TBX4: variants seen among roughly 807,000 people sequenced by gnomAD.
TBX4 encodes the protein T-box transcription factor TBX4.
TBX4 carries 13 observed loss-of-function variants against 54.6 expected under a neutral mutation model. The observed-to-expected ratio is 0.24, with a 90% CI of 0.15 to 0.38. The LOEUF (loss-of-function observed/expected upper bound fraction) is 0.38. Ranked by LOEUF, TBX4 falls within the 10% of genes least tolerant of loss-of-function variation. The pLI, the probability that TBX4 is intolerant of heterozygous loss-of-function variation, is 1.00. For missense variants in TBX4, 631 were observed against 728.5 expected (o/e 0.87, Z 1.54); for synonymous variants, 314 against 306.7 (o/e 1.02, Z -0.25).
At chr17:61,470,488 C>T (rs898920888) in intron 5 of TBX4, among the ~76,000 whole-genome samples, 14 of 152,320 alleles carry the variant, frequency 9.2e-5, no homozygotes, top group African/African-American at 3.4e-4. Flanking sequence ...TGGCCAGAAC[C>T]TCCTAAAAGG....
In TBX4 at chr17:61,460,908, G is replaced by T. The variant is rs777589144; in HGVS notation, c.281+3277G>T. ...ATTTGCGTTTGAAAAATGAACTACC[G>T]ATGAGAACTCCTGTTGAACCTGTAT... On this transcript the variant is annotated intron_variant, in intron 3 of 8. Transcript: ENST00000644296. This position sits in a 1 kb window ranked among gnomAD's most constrained non-coding sequence, Gnocchi z 4.4. Among the ~76,000 whole-genome samples, 2 of 152,168 alleles carry T rather than the reference G, an allele frequency of 1.3e-5. No homozygotes were observed. Among genetic ancestry groups the T allele is most frequent in the Non-Finnish European group, 2.9e-5 (2 of 68,030 alleles).
In TBX4 at chr17:61,483,622, G is replaced by A; in HGVS notation, c.*106G>A. Reference sequence around the variant, plus strand: ...CACAGGAAGGTATTCCAGTGTGTGTGTGTGTGTGTGTGTGTGTGTGTGTGT... The same window carrying A: ...CACAGGAAGGTATTCCAGTGTGTGTATGTGTGTGTGTGTGTGTGTGTGTGT... On this transcript the variant is annotated 3_prime_UTR_variant, in exon 9 of 9. Transcript: ENST00000644296. The surrounding 1 kb of genome is among the most constrained non-coding windows in gnomAD (Gnocchi z 6.6). The A allele has an allele frequency of 2.0e-6, 2 of 986,376 alleles. No homozygotes were observed. Among genetic ancestry groups the A allele is most frequent in the African/African-American group, 1.6e-5 (1 of 61,308 alleles). The allele number at this position is 986,376 out of a possible 1,614,324, so 61.1% of individuals were successfully genotyped here.
At chr17:61,455,296 C>T (rs2060438968) in intron 1 of TBX4, among the ~76,000 whole-genome samples, 1 of 152,152 alleles carries the variant, frequency 6.6e-6, no homozygotes, top group Admixed American at 6.5e-5. Context: ...CCGGGAGGGC[C>T]CGGGGAGAGC....
chr17:61,477,149 G>A (rs985866565), intron 5 of TBX4, among the ~76,000 whole-genome samples: 7 of 152,360 alleles, frequency 4.6e-5, no homozygotes, highest in African/African-American at 1.4e-4. Context: ...AAGGGGACCC[G>A]AGGGCCCGCC....
intron 8 of TBX4, among the ~76,000 whole-genome samples, chr17:61,482,576 C>T (rs1470645658): frequency 6.6e-6 from 1 of 152,238 alleles, no homozygotes; most frequent in Non-Finnish European, 1.5e-5. Context: ...GAGAATGCCA[C>T]TGCACATCAG....
Position 61,460,622 on chromosome 17 carries a change from T to TGAGG in TBX4, c.281+2993_281+2994insGGGA, listed in dbSNP as rs1414059911. Reference sequence around the variant, plus strand: ...GTCTCTGTGTCCAGAGGGTTCGTGCTGATAGCCGCAGACAGCAGATCCCTC... The same window carrying TGAGG: ...GTCTCTGTGTCCAGAGGGTTCGTGCTGAGGGATAGCCGCAGACAGCAGATCCCTC... On this transcript the variant is annotated intron_variant, in intron 3 of 8. Coordinates refer to ENST00000644296, the MANE Select transcript of TBX4 (RefSeq NM_001321120.2). This position sits in a 1 kb window ranked among gnomAD's most constrained non-coding sequence, Gnocchi z 4.4. Among the ~76,000 whole-genome samples the TGAGG allele has an allele frequency of 2.4e-4, 36 of 152,296 alleles. No homozygotes were observed.
chr17:61,479,996 G>A lies in TBX4; in HGVS notation c.791+27G>A. The A allele has an allele frequency of 1.2e-6, 2 of 1,613,696 alleles. No individual in the cohort carries two copies. The highest frequency in any genetic ancestry group is 1.7e-6 in the Non-Finnish European group (2 of 1,179,686). ...TGGGGCTGCGTAGCCTGGGGGTGGGGCGGGCAGATGGGATTCAGGCACGTG... is the reference window on the plus strand; with the variant it reads ...TGGGGCTGCGTAGCCTGGGGGTGGGACGGGCAGATGGGATTCAGGCACGTG... On this transcript the variant is annotated intron_variant, in intron 7 of 8. Transcript: ENST00000644296. This position sits in a 1 kb window ranked among gnomAD's most constrained non-coding sequence, Gnocchi z 6.1.
rs544199368 is a variant in TBX4 at position 61,476,573 on chromosome 17, C to T, written c.550-2054C>T. ...CTCGCCACAGGAGCATCCCCAGCGT[C>T]CTGGAAAGGGACAGACATCGAGGCC... is the stretch of plus-strand genomic sequence containing the variant. On this transcript the variant is annotated intron_variant, in intron 5 of 8. Transcript: ENST00000644296. This position sits in a 1 kb window ranked among gnomAD's most constrained non-coding sequence, Gnocchi z 6.5. Among the ~76,000 whole-genome samples, 102 of 152,344 alleles carry T rather than the reference C, an allele frequency of 6.7e-4. No homozygotes were observed. The highest frequency in any genetic ancestry group is 2.3e-3 in the Admixed American group (35 of 15,310).
chr17:61,468,598 T>A (rs1186317011), intron 5 of TBX4, among the ~76,000 whole-genome samples: 2 of 152,208 alleles, frequency 1.3e-5, no homozygotes, highest in African/African-American at 2.4e-5. Flanking sequence ...TTCTGATTGA[T>A]GGGTATGTAA....
chr17:61,483,517 C>T lies in TBX4; in HGVS notation c.*1C>T. The T allele has an allele frequency of 1.9e-6, 3 of 1,614,134 alleles. No homozygotes were observed. Among genetic ancestry groups the T allele is most frequent in the Non-Finnish European group, 1.7e-6 (2 of 1,180,032 alleles). On this transcript the variant is annotated 3_prime_UTR_variant, in exon 9 of 9. Transcript: ENST00000644296. This position sits in a 1 kb window ranked among gnomAD's most constrained non-coding sequence, Gnocchi z 6.6. The stretch of plus-strand genomic sequence containing the variant: ...TGTGGAGAACTGGACTGACGGATGA[C>T]TCTCACGTCTCCTCCATAGCCCCGG...
chr17:61,478,729 G>C lies in TBX4; in HGVS notation c.652G>C (p.Val218Leu), dbSNP rs201328365. 2.8e-5 allele frequency: 46 copies of C among 1,614,162 alleles called. No individual in the cohort carries two copies. The Admixed American group carries it at 6.8e-4, about 24-fold the overall frequency. ...GSKNTAFCTHVFPETSFISVT... is the reference protein window; with the variant it reads ...GSKNTAFCTHLFPETSFISVT... ...CAAAAACACTGCTTTCTGCACCCAC[G>C]TGTTCCCAGAGACCTCCTTCATCTC... is the stretch of plus-strand genomic sequence containing the variant. The change falls in exon 6 of 9, where the codon GTG (valine) becomes CTG (leucine). Residue 218 changes from valine to leucine, a missense_variant. Around this residue, in one of 3 missense-constraint regions of TBX4, gnomAD observed 154 missense variants for 238.6 expected, o/e 0.65. Coordinates refer to ENST00000644296, the MANE Select transcript of TBX4 (RefSeq NM_001321120.2). The surrounding 1 kb of genome is among the most constrained non-coding windows in gnomAD (Gnocchi z 7.4).
chr17:61,467,503 T>C lies in TBX4; in HGVS notation c.402-7T>C. On this transcript the variant is annotated splice_polypyrimidine_tract_variant and splice_region_variant and intron_variant, in intron 4 of 8. Coordinates refer to ENST00000644296, the MANE Select transcript of TBX4 (RefSeq NM_001321120.2). ...TAATCACCTGCTCTTATCTGCTCTG[T>C]TGGCAGGATGGTGGCAGGGAAGGCT... The C allele has an allele frequency of 1.9e-6, 3 of 1,614,160 alleles. No homozygotes were observed. Among genetic ancestry groups the C allele is most frequent in the Non-Finnish European group, 2.5e-6 (3 of 1,180,024 alleles).
In TBX4 at chr17:61,456,645, C is replaced by T. The variant is rs929578916; in HGVS notation, c.155C>T (p.Ala52Val). The T allele has an allele frequency of 9.7e-5, 131 of 1,350,176 alleles. No homozygotes were observed. Among genetic ancestry groups the T allele is most frequent in the Non-Finnish European group, 1.0e-4 (107 of 1,049,546 alleles). The allele number at this position is 1,350,176 out of a possible 1,614,324, so 83.6% of individuals were successfully genotyped here. ...CTAGGCAGCCCCCCGGGACCCGGGGCCGACGTCGTCGCCGCCGCCGCCGCG... is the reference window on the plus strand; with the variant it reads ...CTAGGCAGCCCCCCGGGACCCGGGGTCGACGTCGTCGCCGCCGCCGCCGCG... ...AALGSPPGPG[A>V]DVVAAAAAEQ... The change falls in exon 2 of 9, where the codon GCC becomes GTC. Residue 52 changes from alanine to valine, a missense_variant. Ala to Val is a moderately conservative substitution (Grantham distance 64, BLOSUM62 0). Around this residue, in one of 3 missense-constraint regions of TBX4, gnomAD observed 123 missense variants for 120.9 expected, o/e 1.02. Transcript: ENST00000644296.
At chr17:61,477,470 C>T (rs930736124) in intron 5 of TBX4, among the ~76,000 whole-genome samples, 1 of 152,216 alleles carries the variant, frequency 6.6e-6, no homozygotes, top group Admixed American at 6.5e-5. Flanking sequence ...CCCTTGGGAT[C>T]GGGGGCCTCT....
At position 61,483,618 on chromosome 17, in the gene TBX4, G is replaced by T; in HGVS notation, c.*102G>T. ...GAAACACAGGAAGGTATTCCAGTGT[G>T]TGTGTGTGTGTGTGTGTGTGTGTGT... On this transcript the variant is annotated 3_prime_UTR_variant, in exon 9 of 9. Coordinates refer to ENST00000644296, the MANE Select transcript of TBX4 (RefSeq NM_001321120.2). The surrounding 1 kb of genome is among the most constrained non-coding windows in gnomAD (Gnocchi z 6.6). The T allele has an allele frequency of 1.1e-6, 1 of 872,902 alleles. No homozygotes were observed. Among genetic ancestry groups the T allele is most frequent in the Non-Finnish European group, 1.8e-6 (1 of 545,250 alleles). The allele number at this position is 872,902 out of a possible 1,614,324, so 54.1% of individuals were successfully genotyped here.
rs959337361 is a variant in TBX4, at chr17:61,484,957, T to A, written c.*1441T>A. On this transcript the variant is annotated 3_prime_UTR_variant, in exon 9 of 9. Transcript: ENST00000644296. This position sits in a 1 kb window ranked among gnomAD's most constrained non-coding sequence, Gnocchi z 4.1. ...AAACATATAAATAAATATATATATA[T>A]ATATATATATATATAAACACACACA... 1.7e-3 allele frequency: 245 copies of A among 147,558 alleles called. No homozygotes were observed. Among genetic ancestry groups the A allele is most frequent in the African/African-American group, 5.6e-3 (230 of 40,724 alleles). 9.1% of individuals were successfully genotyped at this position (147,558 alleles called of 1,614,324 possible).
chr17:61,483,374 A>AAGGGTGTG lies in TBX4; in HGVS notation c.1502_1509dup (p.Arg504GlyfsTer11). On this transcript the variant is annotated frameshift_variant, in exon 9 of 9. Transcript: ENST00000644296. LOFTEE classifies it high-confidence loss of function. The surrounding 1 kb of genome is among the most constrained non-coding windows in gnomAD (Gnocchi z 6.6). ...TTCCCAAGAGAGCGCGGCCTCCCCCAAGGGTGTGAGAGGAAGCCACCCTCG... is the reference window on the plus strand; with the variant it reads ...TTCCCAAGAGAGCGCGGCCTCCCCCAAGGGTGTGAGGGTGTGAGAGGAAGCCACCCTCG... 1 of 1,610,480 alleles carries AAGGGTGTG rather than the reference A, an allele frequency of 6.2e-7. No individual in the cohort carries two copies. The highest frequency in any genetic ancestry group is 8.5e-7 in the Non-Finnish European group (1 of 1,177,384).
At chr17:61,469,627 G>A (rs542882098) in intron 5 of TBX4, among the ~76,000 whole-genome samples, 1 of 152,330 alleles carries the variant, frequency 6.6e-6, no homozygotes, top group African/African-American at 2.4e-5. Context: ...CAGGTCCAGT[G>A]TCTCTGGGCT....
intron 1 of TBX4, among the ~76,000 whole-genome samples, chr17:61,453,645 C>T (rs936080090): frequency 6.6e-6 from 1 of 152,062 alleles, no homozygotes; most frequent in Non-Finnish European, 1.5e-5. Context: ...AACAATATTA[C>T]AAAGTATGAC....
Sources: gnomAD v4.1 joint callset for allele counts (sites outside exome capture counted in the v4.1 genomes callset) on GRCh38, gnomAD v4.1.1 for gene constraint, gnomAD v4.1.1 regional missense constraint, Gnocchi (gnomAD v3.1) non-coding constraint, MANE v1.5 for transcripts, NCBI Gene and HGNC (gene_info 2026-07-23, HGNC 2026-07-21) for gene names.